Variants in OSBPL3 observed in about 807,000 individuals in gnomAD.
The protein encoded by OSBPL3 is oxysterol binding protein like 3.
Under a neutral mutation model 120.1 loss-of-function variants are expected in OSBPL3, and 65 were observed. The ratio of observed to expected loss-of-function variants is 0.54; its 90% CI spans 0.44 to 0.67. The LOEUF is 0.67. Among genes scored for constraint, OSBPL3 ranks in the 30% least tolerant of loss-of-function variants. The pLI is 0.00. For missense variants in OSBPL3, 1,004 were observed against 1,082.1 expected (o/e 0.93, Z 1.01); for synonymous variants, 416 against 402.6 (o/e 1.03, Z -0.40).
intron 1 of OSBPL3, among the ~76,000 whole-genome samples, chr7:24,979,667 T>C (rs904491975): frequency 6.6e-6 from 1 of 151,782 alleles, no homozygotes; most frequent in African/African-American, 2.4e-5. Flanking sequence ...TGTCCTGGGG[T>C]GGGTGAGACC....
At chr7:24,979,546 C>G (rs1186870965) in intron 1 of OSBPL3, among the ~76,000 whole-genome samples, 1 of 152,214 alleles carries the variant, frequency 6.6e-6, no homozygotes, top group African/African-American at 2.4e-5. Context: ...CGTAGCGCCT[C>G]CCCGCTGCCC....
Position 24,892,632 on chromosome 7 carries a change from G to C in OSBPL3, c.-149-11C>G. ...AGGAAACCCTAAAACCTAAAAAAGA[G>C]AAATTAGAAAGAAGGTCAGAGGCAT... On this transcript the variant is annotated splice_polypyrimidine_tract_variant and intron_variant, in intron 1 of 22. Coordinates refer to ENST00000313367, the MANE Select transcript of OSBPL3 (RefSeq NM_015550.4). 7.4e-7 allele frequency: 1 copy of C among 1,348,028 alleles called. No homozygotes were observed. Among genetic ancestry groups the C allele is most frequent in the Non-Finnish European group, 9.6e-7 (1 of 1,045,246 alleles). 83.5% of individuals were successfully genotyped at this position (1,348,028 alleles called of 1,614,324 possible).
chr7:24,931,025 A>G (rs1811726614), intron 1 of OSBPL3, among the ~76,000 whole-genome samples: 1 of 152,186 alleles, frequency 6.6e-6, no homozygotes, highest in Non-Finnish European at 1.5e-5. Flanking sequence ...CCAGACATCC[A>G]TTTCCCAACC....
rs976656668 is a variant in OSBPL3, at chr7:24,854,219, T to C, written c.1028-1585A>G. On this transcript the variant is annotated intron_variant, in intron 10 of 22. Transcript: ENST00000313367. This position sits in a 1 kb window ranked among gnomAD's most constrained non-coding sequence, Gnocchi z 4.1. ...CAATCTCCTTTATAATATTTTGTTT[T>C]AGAAGAGCAGGAAGACTGAAGAGAC... Among the ~76,000 whole-genome samples, 1 of 152,172 alleles carries C rather than the reference T, an allele frequency of 6.6e-6. No homozygotes were observed. The highest frequency in any genetic ancestry group is 2.4e-5 in the African/African-American group (1 of 41,416).
Position 24,815,128 on chromosome 7 carries a change from C to T in OSBPL3, c.2103G>A (p.Glu701=), listed in dbSNP as rs777793526. Residue 701 remains glutamate (E), a synonymous_variant, in exon 19 of 23, where the codon GAG becomes GAA. Coordinates refer to ENST00000313367, the MANE Select transcript of OSBPL3 (RefSeq NM_015550.4). This position sits in a 1 kb window ranked among gnomAD's most constrained non-coding sequence, Gnocchi z 5.1. Reference sequence around the variant, plus strand: ...TCTTGATGACAATCTCTCCATAGTGCTCAATCCACCTCTGCCCGCTTAAGA... The same window carrying T: ...TCTTGATGACAATCTCTCCATAGTGTTCAATCCACCTCTGCCCGCTTAAGA... ...HNILSGQRWI[E]HYGEIVIKNL... 6.2e-7 allele frequency: 1 copy of T among 1,612,578 alleles called. No homozygotes were observed. Among genetic ancestry groups the T allele is most frequent in the Non-Finnish European group, 8.5e-7 (1 of 1,178,552 alleles).
intron 14 of OSBPL3, among the ~76,000 whole-genome samples, chr7:24,838,447 G>T (rs988383914): frequency 3.9e-5 from 6 of 152,180 alleles, no homozygotes; most frequent in African/African-American, 1.2e-4. Context: ...AGTAAACCGA[G>T]ATCGCACCAC....
chr7:24,970,665 T>C (rs932751192), intron 1 of OSBPL3, among the ~76,000 whole-genome samples: 1 of 152,166 alleles, frequency 6.6e-6, no homozygotes, highest in South Asian at 2.1e-4. Flanking sequence ...TTCTTTGAGG[T>C]CGGGGCTGTG....
At chr7:24,928,445 C>T (rs1394545838) in intron 1 of OSBPL3, among the ~76,000 whole-genome samples, 2 of 152,146 alleles carry the variant, frequency 1.3e-5, no homozygotes, top group South Asian at 4.1e-4. Context: ...CCCACCTTGG[C>T]CTCCCAAAGT....
intron 1 of OSBPL3, among the ~76,000 whole-genome samples, chr7:24,943,492 C>T (rs949602920): frequency 3.5e-4 from 53 of 152,198 alleles, no homozygotes; most frequent in African/African-American, 1.3e-3. Flanking sequence ...TCAAATCTTA[C>T]CTGCATAGTT....
rs73274138 is a variant in OSBPL3 at position 24,898,187 on chromosome 7, C to T, written c.-149-5566G>A. On this transcript the variant is annotated intron_variant, in intron 1 of 22. Transcript: ENST00000313367. This position sits in a 1 kb window ranked among gnomAD's most constrained non-coding sequence, Gnocchi z 4.3. ...AGGGCTTTGGTTATTTGGCTTTAAG[C>T]ACCACAGACCAGAGATTCAGCATCA... Among the ~76,000 whole-genome samples the T allele has an allele frequency of 8.4e-3, 1,272 of 152,288 alleles. 21 individuals carry two copies. Among genetic ancestry groups the T allele is most frequent in the African/African-American group, 0.029 (1,192 of 41,558 alleles).
At chr7:24,888,078 G>C (rs894825996) in intron 2 of OSBPL3, among the ~76,000 whole-genome samples, 2 of 152,080 alleles carry the variant, frequency 1.3e-5, no homozygotes, top group African/African-American at 4.8e-5. Flanking sequence ...CATATACAGT[G>C]TATATTTTAG....
rs77091100 is a variant in OSBPL3, at chr7:24,979,650, G to A, written c.-150+236C>T. On this transcript the variant is annotated intron_variant, in intron 1 of 22. Coordinates refer to ENST00000313367, the MANE Select transcript of OSBPL3 (RefSeq NM_015550.4). Reference sequence around the variant, plus strand: ...GTCAATCCTCTGAGCCGTCCCTCGAGGGAAGGTGTCCTGGGGTGGGTGAGA... The same window carrying A: ...GTCAATCCTCTGAGCCGTCCCTCGAAGGAAGGTGTCCTGGGGTGGGTGAGA... 3.3e-5 allele frequency among the ~76,000 whole-genome samples: 5 copies of A among 152,256 alleles called. No individual in the cohort carries two copies. The East Asian group carries it at 5.8e-4, about 18-fold the overall frequency.
In OSBPL3 at chr7:24,827,864, G is replaced by A. The variant is rs80197841; in HGVS notation, c.1884+2904C>T. On this transcript the variant is annotated intron_variant, in intron 16 of 22. Transcript: ENST00000313367. This position sits in a 1 kb window ranked among gnomAD's most constrained non-coding sequence, Gnocchi z 5.1. ...CATTTTCTGTCAGAGACTCACCAGC[G>A]ACATCAAGTCCCCTTCAAACTACTT... 7.4e-3 allele frequency among the ~76,000 whole-genome samples: 1,133 copies of A among 152,250 alleles called. 17 individuals are homozygous for A. Among genetic ancestry groups the A allele is most frequent in the African/African-American group, 0.026 (1,062 of 41,532 alleles).
intron 1 of OSBPL3, among the ~76,000 whole-genome samples, chr7:24,926,613 T>A (rs183537782): frequency 1.0e-3 from 159 of 152,292 alleles, no homozygotes; most frequent in Non-Finnish European, 1.9e-3. Flanking sequence ...ATGCCCACCC[T>A]TACTGTGGGC....
chr7:24,838,254 C>T (rs1426056141), intron 14 of OSBPL3, among the ~76,000 whole-genome samples: 2 of 152,062 alleles, frequency 1.3e-5, no homozygotes, highest in Admixed American at 6.5e-5. Flanking sequence ...CCAGCAATTT[C>T]GGAGGCTGAG....
chr7:24,907,107 C>A (rs543791924), intron 1 of OSBPL3, among the ~76,000 whole-genome samples: 1 of 152,144 alleles, frequency 6.6e-6, no homozygotes, highest in Non-Finnish European at 1.5e-5. Context: ...TCATCACCCC[C>A]CAATGTGTTT....
chr7:24,929,497 T>C (rs896719792), intron 1 of OSBPL3, among the ~76,000 whole-genome samples: 1 of 152,224 alleles, frequency 6.6e-6, no homozygotes, highest in Non-Finnish European at 1.5e-5. Flanking sequence ...AGTACTTTCA[T>C]AATAGTTTAG....
intron 2 of OSBPL3, among the ~76,000 whole-genome samples, chr7:24,885,227 C>CAAAAAAAAAA (rs59823834): frequency 8.9e-6 from 1 of 112,188 alleles, no homozygotes. Flanking sequence ...GTCTCAAAAA[C>CAAAAAAAAAA]AAAAAAAAAA....
At position 24,962,415 on chromosome 7, in the gene OSBPL3, G is replaced by C. The variant is rs1584744449; in HGVS notation, c.-150+17471C>G. ...GGGGGAGGGGAGGGCAGAAGGGAGGGGAGGGGAGGGGAGAGGAGAGAGGAG... is the reference window on the plus strand; with the variant it reads ...GGGGGAGGGGAGGGCAGAAGGGAGGCGAGGGGAGGGGAGAGGAGAGAGGAG... On this transcript the variant is annotated intron_variant, in intron 1 of 22. Coordinates refer to ENST00000313367, the MANE Select transcript of OSBPL3 (RefSeq NM_015550.4). Among the ~76,000 whole-genome samples the C allele has an allele frequency of 4.7e-5, 6 of 129,026 alleles. No homozygotes were observed. In the South Asian group the frequency reaches 1.6e-3, roughly 34 times the overall value. 84.6% of individuals were successfully genotyped at this position (129,026 alleles called of 152,430 possible). A position where few individuals can be genotyped will look rare whatever the true frequency, so the allele number is the denominator to read the frequency against.
Sources: gnomAD v4.1 joint callset for allele counts (sites outside exome capture counted in the v4.1 genomes callset) on GRCh38, gnomAD v4.1.1 for gene constraint, Gnocchi (gnomAD v3.1) non-coding constraint, MANE v1.5 for transcripts, NCBI Gene and HGNC (gene_info 2026-07-23, HGNC 2026-07-21) for gene names.